Variants in CDH13 observed in about 807,000 individuals in gnomAD.
The protein encoded by CDH13 is cadherin 13.
A neutral mutation model predicts 63.8 loss-of-function variants in CDH13; 24 were observed. The ratio of observed to expected loss-of-function variants is 0.38; its 90% CI spans 0.27 to 0.53. The LOEUF is 0.53. Ranked by LOEUF, CDH13 falls within the 20% of genes least tolerant of loss-of-function variation. The probability of loss-of-function intolerance (pLI) is 0.85; values close to 1 mark genes in which losing one functional copy is unlikely to be tolerated. For missense variants in CDH13, 1,049 were observed against 903.1 expected (o/e 1.16, Z -2.07); for synonymous variants, 503 against 355.3 (o/e 1.42, Z -4.67).
At position 83,047,778 on chromosome 16, in the gene CDH13, C is replaced by G. The variant is rs1428050526; in HGVS notation, c.366+15560C>G. ...CAGATCGTAGTCAATTTATTTAGCT[C>G]AAACGTTGTGCGGGGCACCACTTTA... On this transcript the variant is annotated intron_variant, in intron 3 of 13. Coordinates refer to ENST00000567109, the MANE Select transcript of CDH13 (RefSeq NM_001257.5). The surrounding 1 kb of genome is among the most constrained non-coding windows in gnomAD (Gnocchi z 4.9). 6.6e-6 allele frequency among the ~76,000 whole-genome samples: 1 copy of G among 152,146 alleles called. No individual in the cohort carries two copies. Among genetic ancestry groups the G allele is most frequent in the African/African-American group, 2.4e-5 (1 of 41,432 alleles).
intron 5 of CDH13, among the ~76,000 whole-genome samples, chr16:83,305,369 A>G (rs1276165900): frequency 2.0e-5 from 3 of 152,236 alleles, no homozygotes; most frequent in African/African-American, 7.2e-5. Flanking sequence ...GACCACAGAA[A>G]GCATCCTGCT....
At chr16:83,541,866 C>T (rs1040270767) in intron 7 of CDH13, among the ~76,000 whole-genome samples, 13 of 152,246 alleles carry the variant, frequency 8.5e-5, no homozygotes, top group African/African-American at 3.1e-4. Context: ...CTAGACAGAG[C>T]TTGCATCATA....
At chr16:82,991,746 C>T (rs1051299070) in intron 2 of CDH13, among the ~76,000 whole-genome samples, 14 of 152,248 alleles carry the variant, frequency 9.2e-5, no homozygotes, top group Admixed American at 4.6e-4. Context: ...GCAATAAAAA[C>T]GATTGTGTCT....
At chr16:83,279,886 A>G (rs1481728073) in intron 5 of CDH13, among the ~76,000 whole-genome samples, 3 of 151,880 alleles carry the variant, frequency 2.0e-5, no homozygotes, top group African/African-American at 7.3e-5. Context: ...CTCCATTTAT[A>G]CTATACTGCA....
At chr16:83,762,363 C>G (rs1296306037) in intron 11 of CDH13, among the ~76,000 whole-genome samples, 1 of 151,360 alleles carries the variant, frequency 6.6e-6, no homozygotes, top group African/African-American at 2.4e-5. Context: ...CACAGAATTG[C>G]TGCCCTCTCT....
intron 1 of CDH13, among the ~76,000 whole-genome samples, chr16:82,821,809 G>A (rs1424604220): frequency 1.3e-5 from 2 of 152,188 alleles, no homozygotes; most frequent in Non-Finnish European, 2.9e-5. Context: ...ATTTAGAAAG[G>A]CAAGGGGCCA....
chr16:83,653,755 T>C (rs568780684), intron 8 of CDH13, among the ~76,000 whole-genome samples: 6 of 152,300 alleles, frequency 3.9e-5, no homozygotes, highest in Admixed American at 1.3e-4. Flanking sequence ...ACAAGCTGGG[T>C]ATTTGATTAT....
intron 1 of CDH13, among the ~76,000 whole-genome samples, chr16:82,856,659 A>T (rs2039709557): frequency 1.8e-5 from 2 of 114,000 alleles, no homozygotes; most frequent in African/African-American, 6.7e-5. Context: ...CCACAGTTGC[A>T]CTCCAGCCTG....
At chr16:83,569,725 T>C (rs1173376052) in intron 7 of CDH13, among the ~76,000 whole-genome samples, 2 of 152,064 alleles carry the variant, frequency 1.3e-5, no homozygotes, top group African/African-American at 2.4e-5. Flanking sequence ...GGGAAGCCAA[T>C]GGTTTTTTTG....
chr16:82,744,304 GC>G (rs1390167474), intron 1 of CDH13, among the ~76,000 whole-genome samples: 1 of 152,150 alleles, frequency 6.6e-6, no homozygotes, highest in Admixed American at 6.5e-5. Flanking sequence ...ATCTGCCTGG[GC>G]CTCTATTTTT....
At position 83,595,432 on chromosome 16, in the gene CDH13, G is replaced by C. The variant is rs181760454; in HGVS notation, c.961-7022G>C. On this transcript the variant is annotated intron_variant, in intron 7 of 13. Transcript: ENST00000567109. ...TTGAAAACTTTGTCATCCACTTAGG[G>C]AGATAGTAAATGGGCATTCAAAATA... Among the ~76,000 whole-genome samples the C allele has an allele frequency of 3.5e-4, 54 of 152,290 alleles. No homozygotes were observed. In the East Asian group the frequency reaches 6.2e-3, roughly 17 times the overall value.
intron 2 of CDH13, among the ~76,000 whole-genome samples, chr16:82,877,278 T>C (rs1013122322): frequency 1.6e-4 from 24 of 152,240 alleles, no homozygotes; most frequent in African/African-American, 5.5e-4. Context: ...GTTTGATAGA[T>C]GAGCTATTTA....
intron 1 of CDH13, among the ~76,000 whole-genome samples, chr16:82,671,328 T>C (rs1408672354): frequency 6.6e-6 from 1 of 152,202 alleles, no homozygotes; most frequent in African/African-American, 2.4e-5. Context: ...TCCTGCTATA[T>C]TATAGTATGT....
At chr16:83,625,382 C>T (rs1470647599) in intron 8 of CDH13, among the ~76,000 whole-genome samples, 1 of 152,188 alleles carries the variant, frequency 6.6e-6, no homozygotes, top group Non-Finnish European at 1.5e-5. Context: ...CGGTCCACTT[C>T]CACCCTATAC....
chr16:82,715,641 C>G lies in CDH13; in HGVS notation c.45+88504C>G, dbSNP rs578250228. ...CTAATCCTTCCTCAAATACACATCC[C>G]CACCGTCTGTGCCCTGTCAAGTGGG... On this transcript the variant is annotated intron_variant, in intron 1 of 13. Transcript: ENST00000567109. Among the ~76,000 whole-genome samples the G allele has an allele frequency of 5.0e-4, 76 of 152,176 alleles. 1 individual carries two copies. The highest frequency in any genetic ancestry group is 1.8e-3 in the African/African-American group (75 of 41,514).
intron 4 of CDH13, among the ~76,000 whole-genome samples, chr16:83,185,143 G>A (rs2038478515): frequency 6.6e-6 from 1 of 152,090 alleles, no homozygotes; most frequent in African/African-American, 2.4e-5. Context: ...TCCTACAGCT[G>A]GTCGTGGCAG....
chr16:83,688,025 C>T (rs767462198), intron 10 of CDH13, among the ~76,000 whole-genome samples: 6 of 152,198 alleles, frequency 3.9e-5, no homozygotes, highest in Non-Finnish European at 5.9e-5. Context: ...TTCATTCATG[C>T]ATTCAAACTG....
rs146083704 is a variant in CDH13, at chr16:82,851,434, C to CA, written c.46-6918dup. Among the ~76,000 whole-genome samples the CA allele has an allele frequency of 2.6e-3, 209 of 79,136 alleles. 4 individuals carry two copies. The highest frequency in any genetic ancestry group is 7.5e-3 in the African/African-American group (170 of 22,658). 51.9% of individuals were successfully genotyped at this position (79,136 alleles called of 152,430 possible). On this transcript the variant is annotated intron_variant, in intron 1 of 13. Transcript: ENST00000567109. Reference sequence around the variant, plus strand: ...TGGGTGACAGAGTGAGATTTCGTCTCAAAAAAAAAATAAAAAGAAAAAGAA... The same window carrying CA: ...TGGGTGACAGAGTGAGATTTCGTCTCAAAAAAAAAAATAAAAAGAAAAAGAA...
chr16:83,140,198 G>A (rs753581121), intron 4 of CDH13, among the ~76,000 whole-genome samples: 3 of 152,180 alleles, frequency 2.0e-5, no homozygotes, highest in African/African-American at 7.2e-5. Flanking sequence ...TGGCACTGCT[G>A]ACAAGCCCAG....
Sources: allele counts gnomAD v4.1 joint callset (sites outside exome capture counted in the v4.1 genomes callset), GRCh38; gene constraint gnomAD v4.1.1; non-coding constraint Gnocchi (gnomAD v3.1); transcripts MANE v1.5; gene names NCBI Gene and HGNC (gene_info 2026-07-23, HGNC 2026-07-21).